The following FNDC3B variants were observed in gnomAD, a reference collection of about 807,000 sequenced individuals.
The protein encoded by FNDC3B is fibronectin type III domain containing 3B.
FNDC3B carries 12 observed loss-of-function variants against 151.5 expected under a neutral mutation model. The ratio of observed to expected loss-of-function variants is 0.08; its 90% CI spans 0.05 to 0.13. The LOEUF is 0.13. Ranked by LOEUF, FNDC3B falls within the 10% of genes least tolerant of loss-of-function variation. The pLI is 1.00. For synonymous variants in FNDC3B, 528 were observed against 549.0 expected, an observed-to-expected ratio of 0.96 and a Z score of 0.54; for missense variants, 1,214 against 1,505.3, an observed-to-expected ratio of 0.81 and a Z score of 3.20.
chr3:172,169,742 T>TG (rs1367493942), intron 3 of FNDC3B, among the ~76,000 whole-genome samples: 19 of 152,228 alleles, frequency 1.2e-4, no homozygotes. Flanking sequence ...GCCTAGCAGT[T>TG]GCTCTGCTCA....
At chr3:172,150,238 C>G (rs773213395) in intron 3 of FNDC3B, among the ~76,000 whole-genome samples, 1 of 151,838 alleles carries the variant, frequency 6.6e-6, no homozygotes, top group Non-Finnish European at 1.5e-5. Flanking sequence ...TTATTGGGTC[C>G]CAGAATATTT....
chr3:172,247,907 G>C (rs1165615599), intron 5 of FNDC3B, 131 bp downstream of exon 5: 1 of 989,700 alleles, frequency 1.0e-6, no homozygotes, highest in Non-Finnish European at 1.5e-6. Flanking sequence ...AAGACTCATG[G>C]GGAATTCCTA....
chr3:172,286,418 G>A (rs1178914365), intron 7 of FNDC3B, among the ~76,000 whole-genome samples: 1 of 151,990 alleles, frequency 6.6e-6, no homozygotes, highest in Non-Finnish European at 1.5e-5. Context: ...CAGAACATTG[G>A]GTGCAATGGC....
intron 6 of FNDC3B, among the ~76,000 whole-genome samples, chr3:172,253,947 T>A (rs554977684): frequency 3.3e-5 from 5 of 152,294 alleles, no homozygotes; most frequent in South Asian, 2.1e-4. Context: ...ACCCTGCTAA[T>A]TTTTGTATTT....
At chr3:172,192,583 T>G (rs1724583503) in intron 3 of FNDC3B, among the ~76,000 whole-genome samples, 1 of 152,158 alleles carries the variant, frequency 6.6e-6, no homozygotes, top group Admixed American at 6.5e-5. Context: ...AGTTCTTGAT[T>G]ATAGCAGAGG....
At chr3:172,123,352 TTTG>T (rs1364030986) in intron 2 of FNDC3B, among the ~76,000 whole-genome samples, 4 of 152,122 alleles carry the variant, frequency 2.6e-5, no homozygotes, top group South Asian at 2.1e-4. Context: ...AACCAAACCT[TTTG>T]TTGTTGTTGT....
chr3:172,341,521 G>A (rs192454134), intron 17 of FNDC3B, among the ~76,000 whole-genome samples: 6 of 150,728 alleles, frequency 4.0e-5, no homozygotes, highest in Admixed American at 2.0e-4. Flanking sequence ...TCTGGAATTT[G>A]CATTGACTAA....
intron 1 of FNDC3B, among the ~76,000 whole-genome samples, chr3:172,069,637 T>C (rs1717671338): frequency 6.6e-6 from 1 of 152,198 alleles, no homozygotes; most frequent in Non-Finnish European, 1.5e-5. Context: ...TTCATAGCTA[T>C]CTGACTTTTC....
chr3:172,057,328 G>A (rs184053578), intron 1 of FNDC3B, among the ~76,000 whole-genome samples: 17 of 152,314 alleles, frequency 1.1e-4, no homozygotes, highest in Non-Finnish European at 1.8e-4. Flanking sequence ...GGAACAGTGC[G>A]TTGCAGGTTA....
chr3:172,117,308 T>G (rs1720307198), intron 2 of FNDC3B, among the ~76,000 whole-genome samples: 1 of 152,202 alleles, frequency 6.6e-6, no homozygotes, highest in African/African-American at 2.4e-5. Flanking sequence ...GTGTGGCTAT[T>G]ATAAATGATG....
At chr3:172,298,848 T>G in intron 9 of FNDC3B, 61 bp downstream of exon 9, 1 of 1,234,848 alleles carries the variant, frequency 8.1e-7, no homozygotes, top group Non-Finnish European at 1.2e-6. Context: ...AGCAAAAACA[T>G]GTACTCCCTT....
At chr3:172,242,668 ATTTTAT>A (rs1727562291) in intron 4 of FNDC3B, among the ~76,000 whole-genome samples, 2 of 151,990 alleles carry the variant, frequency 1.3e-5, no homozygotes, top group East Asian at 3.9e-4. Flanking sequence ...CCACACAACC[ATTTTAT>A]CCTCCTAGGC....
intron 3 of FNDC3B, among the ~76,000 whole-genome samples, chr3:172,192,361 G>A (rs56365527): frequency 0.47 from 70,396 of 151,320 alleles, 16,939 homozygotes; most frequent in Admixed American, 0.53. Context: ...ATTATTTTGT[G>A]TTTTTAGTAG....
chr3:172,179,123 G>A (rs967121915), intron 3 of FNDC3B, among the ~76,000 whole-genome samples: 1 of 152,238 alleles, frequency 6.6e-6, no homozygotes, highest in African/African-American at 2.4e-5. Context: ...GTGCGGTGGT[G>A]CAATCTTAGC....
chr3:172,131,529 G>A (rs1721102093), intron 2 of FNDC3B, among the ~76,000 whole-genome samples: 1 of 152,122 alleles, frequency 6.6e-6, no homozygotes, highest in Non-Finnish European at 1.5e-5. Flanking sequence ...ATTATCTACA[G>A]TTATTATATA....
intron 1 of FNDC3B, among the ~76,000 whole-genome samples, chr3:172,083,540 T>TGA (rs1718389311): frequency 6.6e-6 from 1 of 152,252 alleles, no homozygotes; most frequent in African/African-American, 2.4e-5. Context: ...TGTAGAAGCA[T>TGA]GAGAGACCTA....
intron 1 of FNDC3B, 74 bp downstream of exon 1, chr3:172,039,845 A>G (rs919005637): frequency 1.3e-5 from 2 of 152,436 alleles, no homozygotes; most frequent in African/African-American, 4.8e-5. Flanking sequence ...GGTGCACTGG[A>G]AAGCCCCGGC....
chr3:172,364,827 T>G (rs969133896), intron 23 of FNDC3B, among the ~76,000 whole-genome samples: 2 of 152,218 alleles, frequency 1.3e-5, no homozygotes, highest in Admixed American at 6.5e-5. Flanking sequence ...AAATGGCAAT[T>G]TAAGAAAACT....
chr3:172,134,988 TAAA>T (rs776856315), intron 3 of FNDC3B, among the ~76,000 whole-genome samples: 1 of 138,722 alleles, frequency 7.2e-6, no homozygotes, highest in Non-Finnish European at 1.6e-5. Context: ...CCCTGTATCT[TAAA>T]AAAAAAAAAA....
Sources: allele counts gnomAD v4.1 joint callset (sites outside exome capture counted in the v4.1 genomes callset), GRCh38; gene constraint gnomAD v4.1.1; transcripts MANE v1.5; gene names NCBI Gene and HGNC (gene_info 2026-07-23, HGNC 2026-07-21).